L3MBTL4: variants seen among roughly 807,000 people sequenced by gnomAD.
L3MBTL4 encodes the protein L3MBTL histone methyl-lysine binding protein 4.
A neutral mutation model predicts 84.5 loss-of-function variants in L3MBTL4; 70 were observed. The ratio of observed to expected loss-of-function variants is 0.83; its 90% CI spans 0.68 to 1.01. The LOEUF is 1.01. Ranked by LOEUF, L3MBTL4 falls within the 50% of genes least tolerant of loss-of-function variation. The pLI is 0.00. For missense variants in L3MBTL4, 715 were observed against 754.8 expected (o/e 0.95, Z 0.62); for synonymous variants, 274 against 259.8 (o/e 1.05, Z -0.52).
chr18:6,385,442 G>A (rs1211516786), intron 1 of L3MBTL4, among the ~76,000 whole-genome samples: 1 of 151,996 alleles, frequency 6.6e-6, no homozygotes, highest in African/African-American at 2.4e-5. Flanking sequence ...AATTAAACAA[G>A]CTTAACAGAA....
intron 12 of L3MBTL4, among the ~76,000 whole-genome samples, chr18:6,181,668 C>G (rs1269479291): frequency 6.6e-6 from 1 of 151,744 alleles, no homozygotes. Context: ...TCCTCCCACC[C>G]TCCACCTTCA....
intron 3 of L3MBTL4, among the ~76,000 whole-genome samples, chr18:6,302,906 G>A (rs1262073468): frequency 6.6e-6 from 1 of 152,126 alleles, no homozygotes. Flanking sequence ...CTGAAGAACT[G>A]CTTGAATCTG....
chr18:6,319,966 A>G (rs2051316993), intron 1 of L3MBTL4, among the ~76,000 whole-genome samples: 1 of 152,138 alleles, frequency 6.6e-6, no homozygotes, highest in Non-Finnish European at 1.5e-5. Context: ...GTTTTATTCC[A>G]GAGACGGAGG....
intron 1 of L3MBTL4, among the ~76,000 whole-genome samples, chr18:6,412,695 G>T (rs575661545): frequency 6.6e-6 from 1 of 152,030 alleles, no homozygotes; most frequent in African/African-American, 2.4e-5. Flanking sequence ...TCGGTCCTAC[G>T]AGTATTTGTT....
intron 14 of L3MBTL4, among the ~76,000 whole-genome samples, chr18:6,096,622 GTGTT>G (rs1196854335): frequency 1.2e-4 from 19 of 152,168 alleles, no homozygotes; most frequent in Non-Finnish European, 2.8e-4. Context: ...ATGTGTGTGT[GTGTT>G]TAAGAGATGC....
At chr18:5,984,093 G>C (rs1598357243) in intron 16 of L3MBTL4, among the ~76,000 whole-genome samples, 2 of 152,068 alleles carry the variant, frequency 1.3e-5, no homozygotes, top group Admixed American at 6.6e-5. Flanking sequence ...TGTATTTTTA[G>C]TACAGATGGG....
In L3MBTL4 at chr18:6,122,528, T is replaced by C. The variant is rs746315669; in HGVS notation, c.1199+15666A>G. ...GAGTTTCTCTGCACAAGCTCTCTTT[T>C]TGCCTGCCACCATCCATGTAAGACA... is the stretch of plus-strand genomic sequence containing the variant. On this transcript the variant is annotated intron_variant, in intron 14 of 18. Coordinates refer to ENST00000317931, the MANE Select transcript of L3MBTL4 (RefSeq NM_001330559.2). Among the ~76,000 whole-genome samples the C allele has an allele frequency of 5.9e-5, 9 of 152,370 alleles. No homozygotes were observed. The South Asian group carries it at 1.7e-3, about 28-fold the overall frequency.
chr18:6,130,104 G>A (rs954983889), intron 14 of L3MBTL4, among the ~76,000 whole-genome samples: 4 of 152,058 alleles, frequency 2.6e-5, no homozygotes, highest in South Asian at 2.1e-4. Flanking sequence ...TGAATCTTTT[G>A]TAGTGTAAAG....
intron 16 of L3MBTL4, among the ~76,000 whole-genome samples, chr18:6,022,900 C>T (rs73376072): frequency 0.095 from 14,512 of 152,256 alleles, 818 homozygotes; most frequent in African/African-American, 0.14. Flanking sequence ...GTTAAGATTC[C>T]TGCCTTGGAG....
intron 1 of L3MBTL4, among the ~76,000 whole-genome samples, chr18:6,362,589 GA>G (rs2053755750): frequency 6.6e-6 from 1 of 152,176 alleles, no homozygotes; most frequent in South Asian, 2.1e-4. Context: ...GAGGCTCAGA[GA>G]AATTAAGTAT....
At chr18:6,110,040 AAC>A (rs2059141636) in intron 14 of L3MBTL4, among the ~76,000 whole-genome samples, 1 of 152,100 alleles carries the variant, frequency 6.6e-6, no homozygotes, top group Non-Finnish European at 1.5e-5. Flanking sequence ...GACGTGCCTT[AAC>A]ACAGTTATTT....
At chr18:6,027,415 T>C (rs1470522532) in intron 16 of L3MBTL4, among the ~76,000 whole-genome samples, 2 of 152,234 alleles carry the variant, frequency 1.3e-5, no homozygotes, top group East Asian at 3.8e-4. Context: ...ATGTGCCACA[T>C]TTTCTTTGTC....
chr18:6,228,843 G>T (rs1223024387), intron 10 of L3MBTL4, among the ~76,000 whole-genome samples: 1 of 152,160 alleles, frequency 6.6e-6, no homozygotes, highest in African/African-American at 2.4e-5. Flanking sequence ...GACATCAAAT[G>T]CCTAACTTGA....
chr18:6,244,692 A>C, intron 5 of L3MBTL4, 104 bp from the exon 6 acceptor site: 2 of 768,462 alleles, frequency 2.6e-6, no homozygotes, highest in East Asian at 5.1e-5. Flanking sequence ...AATTGAACTC[A>C]TAGAAACAGA....
At chr18:6,065,547 A>G (rs1384895695) in intron 16 of L3MBTL4, among the ~76,000 whole-genome samples, 4 of 151,492 alleles carry the variant, frequency 2.6e-5, no homozygotes, top group Admixed American at 2.6e-4. Context: ...TGGTCTGTTC[A>G]GGGCTTCTAT....
intron 14 of L3MBTL4, among the ~76,000 whole-genome samples, chr18:6,122,976 A>G (rs2059575904): frequency 6.6e-6 from 1 of 152,236 alleles, no homozygotes; most frequent in Non-Finnish European, 1.5e-5. Flanking sequence ...TAAATCTTCA[A>G]CAATTTGAGT....
rs536066886 is a variant in L3MBTL4 at position 5,971,274 on chromosome 18, C to T, written c.1445-1712G>A. On this transcript the variant is annotated intron_variant, in intron 16 of 18. Coordinates refer to ENST00000317931, the MANE Select transcript of L3MBTL4 (RefSeq NM_001330559.2). ...ACCCGGAGTGGGAAAGTCACAGGGTCAGTCTGCAGTTGCAGTGACACAGAA... is the reference window on the plus strand; with the variant it reads ...ACCCGGAGTGGGAAAGTCACAGGGTTAGTCTGCAGTTGCAGTGACACAGAA... 2.2e-3 allele frequency among the ~76,000 whole-genome samples: 337 copies of T among 152,322 alleles called. 3 individuals carry two copies. The highest frequency in any genetic ancestry group is 0.02 in the Middle Eastern group (6 of 294).
At chr18:6,028,883 GA>G in intron 16 of L3MBTL4, among the ~76,000 whole-genome samples, 1 of 152,254 alleles carries the variant, frequency 6.6e-6, no homozygotes, top group Non-Finnish European at 1.5e-5. Context: ...ATAGAAGAAA[GA>G]AAAGAATTAA....
At chr18:5,967,411 G>A (rs2052408176) in intron 17 of L3MBTL4, among the ~76,000 whole-genome samples, 1 of 152,232 alleles carries the variant, frequency 6.6e-6, no homozygotes, top group African/African-American at 2.4e-5. Flanking sequence ...ACAGGGCGTG[G>A]TGCACGTCTG....
Sources: allele counts gnomAD v4.1 joint callset (sites outside exome capture counted in the v4.1 genomes callset), GRCh38; gene constraint gnomAD v4.1.1; transcripts MANE v1.5; gene names NCBI Gene and HGNC (gene_info 2026-07-23, HGNC 2026-07-21).